VPS13B: variants seen among roughly 807,000 people sequenced by gnomAD.
VPS13B encodes the protein vacuolar protein sorting 13 homolog B.
A neutral mutation model predicts 426.4 loss-of-function variants in VPS13B; 285 were observed. The ratio of observed to expected loss-of-function variants is 0.67; its 90% CI spans 0.61 to 0.74. The LOEUF (loss-of-function observed/expected upper bound fraction) is 0.74, where lower values mean the gene tolerates loss of function less well. Among genes scored for constraint, VPS13B ranks in the 30% least tolerant of loss-of-function variants. VPS13B has a pLI of 0.00. For missense variants in VPS13B, 4,537 were observed against 4,782.6 expected, an observed-to-expected ratio of 0.95 and a Z score of 1.51; for synonymous variants, 1,676 against 1,676.4, an observed-to-expected ratio of 1.00 and a Z score of 0.01.
At chr8:99,761,418 T>G (rs1024757325) in intron 39 of VPS13B, among the ~76,000 whole-genome samples, 1 of 152,222 alleles carries the variant, frequency 6.6e-6, no homozygotes, top group Admixed American at 6.5e-5. Flanking sequence ...CAGTCCACAT[T>G]CATTGCCCCT....
At chr8:99,673,059 A>G (rs1563855959) in intron 35 of VPS13B, among the ~76,000 whole-genome samples, 2 of 152,018 alleles carry the variant, frequency 1.3e-5, no homozygotes, top group African/African-American at 4.8e-5. Flanking sequence ...TTTTACATCT[A>G]TGTTCATCCT....
At chr8:99,139,775 C>G (rs1810297627) in intron 12 of VPS13B, among the ~76,000 whole-genome samples, 1 of 151,124 alleles carries the variant, frequency 6.6e-6, no homozygotes, top group African/African-American at 2.4e-5. Flanking sequence ...TTACCTGAAA[C>G]AAGAAATTTG....
At chr8:99,474,145 GT>G (rs1819560237) in intron 24 of VPS13B, among the ~76,000 whole-genome samples, 1 of 147,640 alleles carries the variant, frequency 6.8e-6, no homozygotes. Flanking sequence ...TGGAGAAGGT[GT>G]TTACAAGACA....
chr8:99,068,332 T>A (rs1281357030), intron 3 of VPS13B, among the ~76,000 whole-genome samples: 1 of 152,252 alleles, frequency 6.6e-6, no homozygotes, highest in Non-Finnish European at 1.5e-5. Flanking sequence ...TATAATGAAA[T>A]CACTAGGTTA....
intron 17 of VPS13B, among the ~76,000 whole-genome samples, chr8:99,206,426 A>G (rs1426881641): frequency 6.6e-6 from 1 of 152,212 alleles, no homozygotes; most frequent in East Asian, 1.9e-4. Context: ...TAAAAATGAA[A>G]TTCAATAATA....
intron 39 of VPS13B, among the ~76,000 whole-genome samples, chr8:99,736,227 G>A (rs115055447): frequency 2.5e-3 from 381 of 152,280 alleles, no homozygotes; most frequent in African/African-American, 8.8e-3. Context: ...GTTATAGGTA[G>A]AGAGTTGAGT....
chr8:99,189,860 C>A (rs888880762), intron 16 of VPS13B, among the ~76,000 whole-genome samples: 2 of 152,092 alleles, frequency 1.3e-5, no homozygotes, highest in African/African-American at 4.8e-5. Context: ...CTTTTTCATT[C>A]TACTTAGACT....
chr8:99,724,199 G>C (rs574133017), intron 39 of VPS13B, among the ~76,000 whole-genome samples: 1 of 152,298 alleles, frequency 6.6e-6, no homozygotes, highest in Admixed American at 6.5e-5. Flanking sequence ...GATCTACAGT[G>C]CCAGGCCCTG....
chr8:99,333,548 G>C (rs1349078481), intron 19 of VPS13B, among the ~76,000 whole-genome samples: 1 of 151,734 alleles, frequency 6.6e-6, no homozygotes, highest in Non-Finnish European at 1.5e-5. Context: ...ATTATATGTA[G>C]TTTTATCACA....
intron 35 of VPS13B, chr8:99,698,115 T>C (rs754616812): frequency 3.6e-6 from 1 of 280,422 alleles, no homozygotes. Flanking sequence ...GCTCATCTAA[T>C]ACATTGGCTG....
chr8:99,317,991 A>G (rs953148037), intron 19 of VPS13B, among the ~76,000 whole-genome samples: 4 of 152,182 alleles, frequency 2.6e-5, no homozygotes, highest in Admixed American at 2.0e-4. Flanking sequence ...TTGGGGGGTT[A>G]GGAACATTAC....
chr8:99,241,280 G>T (rs1464164233), intron 17 of VPS13B: 1 of 152,140 alleles, frequency 6.6e-6, no homozygotes, highest in African/African-American at 2.4e-5. Flanking sequence ...AGAGGAAAGA[G>T]GATAGTGATA....
rs1386411395 is a variant in VPS13B at position 99,156,753 on chromosome 8, G to A, written c.2208+10G>A. ...ACACTGCTATCTTAAGGTATGAAAAGTGAATTTTCTTGTTTGTTAGCATGG... is the reference window on the plus strand; with the variant it reads ...ACACTGCTATCTTAAGGTATGAAAAATGAATTTTCTTGTTTGTTAGCATGG... On this transcript the variant is annotated intron_variant, in intron 15 of 61. Transcript: ENST00000357162. The A allele has an allele frequency of 1.2e-6, 2 of 1,613,740 alleles. No homozygotes were observed. Among genetic ancestry groups the A allele is most frequent in the Non-Finnish European group, 1.7e-6 (2 of 1,179,766 alleles).
chr8:99,573,780 A>C (rs1458941842), intron 31 of VPS13B, among the ~76,000 whole-genome samples: 2 of 152,010 alleles, frequency 1.3e-5, no homozygotes, highest in Admixed American at 6.6e-5. Context: ...CTTGGCAATG[A>C]GGGCTCTTTT....
intron 30 of VPS13B, among the ~76,000 whole-genome samples, chr8:99,543,558 AC>A (rs1823762188): frequency 6.6e-6 from 1 of 151,996 alleles, no homozygotes; most frequent in Non-Finnish European, 1.5e-5. Context: ...TTTGCAACCT[AC>A]TCATCTGACA....
intron 39 of VPS13B, among the ~76,000 whole-genome samples, chr8:99,731,538 A>G (rs988033366): frequency 2.0e-5 from 3 of 152,198 alleles, no homozygotes; most frequent in African/African-American, 7.2e-5. Flanking sequence ...TTGGAGAACC[A>G]CTGGCAGTCC....
chr8:99,053,371 A>T (rs979509018), intron 3 of VPS13B, among the ~76,000 whole-genome samples: 105 of 151,988 alleles, frequency 6.9e-4, no homozygotes, highest in African/African-American at 2.4e-3. Context: ...ATTCCCACCT[A>T]TGAGTGAGAA....
rs987839421 is a variant in VPS13B at position 99,306,749 on chromosome 8, C to T, written c.2824+31495C>T. On this transcript the variant is annotated intron_variant, in intron 19 of 61. Transcript: ENST00000357162. ...TTATTGTTTTATTGGCAGCAGAAAA[C>T]TCTTAAACTGTGTTTTCCCATGGAA... Among the ~76,000 whole-genome samples, 12 of 151,974 alleles carry T rather than the reference C, an allele frequency of 7.9e-5. 1 individual carries two copies. Among genetic ancestry groups the T allele is most frequent in the South Asian group, 4.1e-4 (2 of 4,828 alleles).
At chr8:99,094,726 C>G (rs149627453) in intron 3 of VPS13B, among the ~76,000 whole-genome samples, 25 of 152,114 alleles carry the variant, frequency 1.6e-4, no homozygotes, top group Admixed American at 1.2e-3. Flanking sequence ...CCTCTAGTAC[C>G]CTGTTAGTTT....
Sources: allele counts gnomAD v4.1 joint callset (sites outside exome capture counted in the v4.1 genomes callset), GRCh38; gene constraint gnomAD v4.1.1; transcripts MANE v1.5; gene names NCBI Gene and HGNC (gene_info 2026-07-23, HGNC 2026-07-21).